ZNF532: variants seen among roughly 807,000 people sequenced by gnomAD.
The protein encoded by ZNF532 is zinc finger protein 532.
A neutral mutation model predicts 89.3 loss-of-function variants in ZNF532; 22 were observed. That is an observed-to-expected ratio of 0.25 (90% CI 0.18 to 0.35). ZNF532 has a LOEUF of 0.35. Ranked by LOEUF, ZNF532 falls within the 10% of genes least tolerant of loss-of-function variation. The probability of loss-of-function intolerance (pLI) is 1.00; values close to 1 mark genes in which losing one functional copy is unlikely to be tolerated. For synonymous variants in ZNF532, 606 were observed against 649.6 expected, an observed-to-expected ratio of 0.93 and a Z score of 1.02; for missense variants, 1,132 against 1,643.4, an observed-to-expected ratio of 0.69 and a Z score of 5.38.
intron 2 of ZNF532, among the ~76,000 whole-genome samples, chr18:58,912,444 C>G (rs1481580329): frequency 3.3e-5 from 5 of 152,158 alleles, no homozygotes; most frequent in Admixed American, 3.3e-4. Flanking sequence ...ATGTGTTACC[C>G]TGGTGTAGGC....
At chr18:58,915,387 TC>T (rs1056170048) in intron 2 of ZNF532, among the ~76,000 whole-genome samples, 3 of 152,082 alleles carry the variant, frequency 2.0e-5, no homozygotes, top group African/African-American at 7.2e-5. Context: ...CACGCTGGAC[TC>T]CCCCACGTCC....
intron 9 of ZNF532, 76 bp from the exon 10 acceptor site, chr18:58,983,895 AG>A: frequency 7.2e-6 from 11 of 1,518,440 alleles, no homozygotes; most frequent in Non-Finnish European, 9.7e-6. Flanking sequence ...GCAGCTCTAA[AG>A]TAAGAGAACC....
chr18:58,892,226 T>G (rs2058952424), intron 2 of ZNF532, among the ~76,000 whole-genome samples: 1 of 152,236 alleles, frequency 6.6e-6, no homozygotes, highest in Admixed American at 6.5e-5. Context: ...CTTTTTTGTT[T>G]AAGAGTTATT....
At position 58,919,806 on chromosome 18, in the gene ZNF532, G is replaced by A. The variant is rs201552392; in HGVS notation, c.1519G>A (p.Val507Met). ...ANAIQQQTVVVPASSLANAKL... is the reference protein window; with the variant it reads ...ANAIQQQTVVMPASSLANAKL... Reference sequence around the variant, plus strand: ...CGCCATCCAGCAGCAAACTGTCGTGGTGCCGGCATCCAGCCTGGCCAATGC... The same window carrying A: ...CGCCATCCAGCAGCAAACTGTCGTGATGCCGGCATCCAGCCTGGCCAATGC... Residue 507 changes from valine (V) to methionine (M), a missense_variant, in exon 3 of 10, where the codon GTG becomes ATG. By Grantham distance (21) the Val-to-Met change is conservative. Transcript: ENST00000591808. The surrounding 1 kb of genome is among the most constrained non-coding windows in gnomAD (Gnocchi z 6.1). 9.3e-6 allele frequency: 15 copies of A among 1,613,906 alleles called. No individual in the cohort carries two copies. Among genetic ancestry groups the A allele is most frequent in the Admixed American group, 1.7e-5 (1 of 59,988 alleles).
chr18:58,948,294 G>A (rs2063833314), intron 6 of ZNF532, 65 bp downstream of exon 6: 6 of 1,510,292 alleles, frequency 4.0e-6, no homozygotes, highest in Admixed American at 4.0e-5. Context: ...ATAAATCAAG[G>A]CTGAGCTGCA....
At chr18:58,885,822 C>G (rs937453335) in intron 2 of ZNF532, among the ~76,000 whole-genome samples, 3 of 150,908 alleles carry the variant, frequency 2.0e-5, no homozygotes, top group South Asian at 2.1e-4. Context: ...TCATCGTACT[C>G]CAGCCTGGGT....
intron 7 of ZNF532, among the ~76,000 whole-genome samples, chr18:58,972,310 A>T (rs2037691796): frequency 6.6e-6 from 1 of 152,250 alleles, no homozygotes. Context: ...TTTTAGAAAT[A>T]TAAATACACA....
At chr18:58,939,283 A>G (rs1435522178) in intron 4 of ZNF532, among the ~76,000 whole-genome samples, 162 bp from the exon 5 acceptor site, 1 of 150,902 alleles carries the variant, frequency 6.6e-6, no homozygotes, top group Admixed American at 6.6e-5. Context: ...AAACCCATAA[A>G]CAATTAAGTT....
At chr18:58,955,366 C>T (rs998584685) in intron 7 of ZNF532, among the ~76,000 whole-genome samples, 1 of 152,168 alleles carries the variant, frequency 6.6e-6, no homozygotes, top group Non-Finnish European at 1.5e-5. Flanking sequence ...AATCCTAATA[C>T]TGAGATTGAT....
chr18:58,880,764 G>A (rs1330729958), intron 2 of ZNF532, among the ~76,000 whole-genome samples: 2 of 139,212 alleles, frequency 1.4e-5, no homozygotes, highest in African/African-American at 3.2e-5. Flanking sequence ...GCGCGCGCAC[G>A]CGCGCGCGTC....
chr18:58,880,255 G>A (rs1240857633), intron 2 of ZNF532, among the ~76,000 whole-genome samples: 2 of 152,174 alleles, frequency 1.3e-5, no homozygotes, highest in East Asian at 3.8e-4. Flanking sequence ...CGGGTGACTT[G>A]GTCACCTTGG....
At chr18:58,908,777 G>A (rs921207009) in intron 2 of ZNF532, among the ~76,000 whole-genome samples, 6 of 152,174 alleles carry the variant, frequency 3.9e-5, no homozygotes, top group Admixed American at 2.0e-4. Context: ...ACTGACATCC[G>A]TGTTTTTGGA....
At chr18:58,921,839 C>T (rs2061110527) in intron 3 of ZNF532, among the ~76,000 whole-genome samples, 1 of 152,196 alleles carries the variant, frequency 6.6e-6, no homozygotes, top group South Asian at 2.1e-4. Flanking sequence ...GGCACAGTGG[C>T]TTATGCCTGT....
At chr18:58,912,555 C>G (rs1421665875) in intron 2 of ZNF532, among the ~76,000 whole-genome samples, 1 of 152,038 alleles carries the variant, frequency 6.6e-6, no homozygotes, top group African/African-American at 2.4e-5. Flanking sequence ...TGTTGGTGTC[C>G]CATTGTGTCA....
intron 7 of ZNF532, among the ~76,000 whole-genome samples, chr18:58,965,026 CTTT>C (rs892169553): frequency 1.3e-5 from 2 of 148,958 alleles, no homozygotes; most frequent in Non-Finnish European, 3.0e-5. Flanking sequence ...TTAATACTAA[CTTT>C]TATTATAATT....
intron 3 of ZNF532, among the ~76,000 whole-genome samples, chr18:58,924,255 C>T (rs1055436588): frequency 1.2e-4 from 18 of 152,242 alleles, no homozygotes; most frequent in Non-Finnish European, 2.2e-4. Context: ...CCAGTCTACA[C>T]TGTAACTTTT....
intron 9 of ZNF532, among the ~76,000 whole-genome samples, chr18:58,981,822 G>A (rs1416056472): frequency 3.3e-5 from 5 of 152,014 alleles, no homozygotes; most frequent in Admixed American, 3.3e-4. Flanking sequence ...GGCCGACATG[G>A]TGTAACCTCA....
In ZNF532 at chr18:58,941,950, T is replaced by TCCTCCCTC. The variant is rs1311824724; in HGVS notation, c.2705+2334_2705+2341dup. 8.4e-4 allele frequency among the ~76,000 whole-genome samples: 114 copies of TCCTCCCTC among 135,320 alleles called. 1 individual carries two copies. The highest frequency in any genetic ancestry group is 1.0e-3 in the Non-Finnish European group (63 of 60,246). 88.8% of individuals were successfully genotyped at this position (135,320 alleles called of 152,430 possible). ...TCCTTTTCTCTTTTCTTCTTTCCTTTCCTCCCTCCCTCTCTCCCTCCCTCC... is the reference window on the plus strand; with the variant it reads ...TCCTTTTCTCTTTTCTTCTTTCCTTTCCTCCCTCCCTCCCTCCCTCTCTCCCTCCCTCC... On this transcript the variant is annotated intron_variant, in intron 5 of 9. Transcript: ENST00000591808.
intron 2 of ZNF532, among the ~76,000 whole-genome samples, chr18:58,882,194 C>T (rs1170052084): frequency 6.6e-6 from 1 of 152,150 alleles, no homozygotes; most frequent in Admixed American, 6.5e-5. Context: ...TTTTTATAAT[C>T]ATTTCTATGG....
Sources: allele counts gnomAD v4.1 joint callset (sites outside exome capture counted in the v4.1 genomes callset), GRCh38; gene constraint gnomAD v4.1.1; non-coding constraint Gnocchi (gnomAD v3.1); transcripts MANE v1.5; gene names NCBI Gene and HGNC (gene_info 2026-07-23, HGNC 2026-07-21).